Variants in CAST observed in about 807,000 individuals in gnomAD.
CAST encodes the protein MIR583 host.
CAST carries 76 observed loss-of-function variants against 119.6 expected under a neutral mutation model. The observed-to-expected ratio is 0.64, with a 90% CI of 0.53 to 0.77. The LOEUF is 0.77. CAST is among the 30% of genes least tolerant of loss of function. The probability of loss-of-function intolerance (pLI) is 0.00; values close to 1 mark genes in which losing one functional copy is unlikely to be tolerated. For synonymous variants in CAST, 319 were observed against 331.6 expected, an observed-to-expected ratio of 0.96 and a Z score of 0.41; for missense variants, 953 against 946.5, an observed-to-expected ratio of 1.01 and a Z score of -0.09.
At chr5:96,361,650 C>T in the CAST span, among the ~76,000 whole-genome samples, 4 of 152,018 alleles carry the variant, frequency 2.6e-5, no homozygotes, top group South Asian at 2.1e-4. Context: ...GCTCACCTTC[C>T]GTGGGCTGCA....
At chr5:96,108,041 C>T in the CAST span, among the ~76,000 whole-genome samples, 1 of 151,952 alleles carries the variant, frequency 6.6e-6, no homozygotes, top group African/African-American at 2.4e-5. Flanking sequence ...CTGCATTCTT[C>T]ACGTAGTTCT....
At chr5:96,337,849 C>T in the CAST span, among the ~76,000 whole-genome samples, 2 of 152,220 alleles carry the variant, frequency 1.3e-5, no homozygotes, top group Admixed American at 6.5e-5. Flanking sequence ...TCTGTCTTTA[C>T]AAAGTCCTCT....
At chr5:96,524,439 G>A (rs1482032038), upstream of CAST, among the ~76,000 whole-genome samples, 3 of 152,190 alleles carry the variant, frequency 2.0e-5, no homozygotes, top group Non-Finnish European at 1.5e-5. Flanking sequence ...ATACTTCCTG[G>A]AGGCTGAAGG....
intron 2 of CAST, among the ~76,000 whole-genome samples, chr5:96,679,910 A>C (rs1751148635): frequency 6.6e-6 from 1 of 152,140 alleles, no homozygotes; most frequent in Non-Finnish European, 1.5e-5. Context: ...CTACTGCTCT[A>C]AACTTGTGTG....
the CAST span, among the ~76,000 whole-genome samples, chr5:96,103,907 ATGG>A: frequency 1.3e-5 from 2 of 151,780 alleles, no homozygotes; most frequent in Non-Finnish European, 2.9e-5. Flanking sequence ...CTGGTGTGAG[ATGG>A]TATCTCATTG....
chr5:96,654,463 G>A (rs1037677236), intron 1 of CAST, among the ~76,000 whole-genome samples: 13 of 152,254 alleles, frequency 8.5e-5, no homozygotes, highest in South Asian at 4.1e-4. Flanking sequence ...CGTGTAGTGT[G>A]CATAGCTACT....
chr5:96,754,691 G>C lies in CAST; in HGVS notation c.1660G>C (p.Gly554Arg). Residue 554 changes from glycine to arginine, a missense_variant, in exon 22 of 32, where the codon GGT (glycine) becomes CGT (arginine). Physicochemically the swap from Gly to Arg is moderately radical, Grantham distance 125. Coordinates refer to ENST00000675179, the MANE Select transcript of CAST (RefSeq NM_001750.7). The part of the protein sequence containing the change: ...KAKEEDREKL[G>R]EKEETIPPDY... The stretch of plus-strand genomic sequence containing the variant: ...CAAAGAAGAAGACCGTGAAAAGCTT[G>C]GTGAAAAAGAAGAAACAATTCCTCC... The C allele has an allele frequency of 6.2e-7, 1 of 1,609,952 alleles. No individual in the cohort carries two copies. The highest frequency in any genetic ancestry group is 8.5e-7 in the Non-Finnish European group (1 of 1,176,726).
chr5:96,445,379 G>A, the CAST span, among the ~76,000 whole-genome samples: 2 of 152,146 alleles, frequency 1.3e-5, no homozygotes, highest in South Asian at 2.1e-4. Context: ...GCAGTAGTGA[G>A]CTATGAAAGA....
chr5:96,610,159 A>T (rs1056059523), intron 1 of CAST, among the ~76,000 whole-genome samples: 9 of 152,204 alleles, frequency 5.9e-5, no homozygotes, highest in Non-Finnish European at 1.0e-4. Flanking sequence ...TCCCGTGCAC[A>T]TGCTCTTGCC....
the CAST span, among the ~76,000 whole-genome samples, chr5:95,965,788 G>T: frequency 6.6e-6 from 1 of 152,206 alleles, no homozygotes; most frequent in Non-Finnish European, 1.5e-5. Context: ...AAGTACTTCA[G>T]CAGATATTCA....
At chr5:96,763,228 TC>T (rs1470899456) in intron 25 of CAST, 2 of 780,654 alleles carry the variant, frequency 2.6e-6, no homozygotes, top group African/African-American at 3.4e-5. Flanking sequence ...TTCAGGATCA[TC>T]TGAAAATATC....
the CAST span, among the ~76,000 whole-genome samples, chr5:96,320,336 C>T: frequency 2.1e-5 from 3 of 143,770 alleles, no homozygotes; most frequent in South Asian, 2.3e-4. Flanking sequence ...CTCCTGGGTT[C>T]GAGCAATTCT....
chr5:96,520,783 C>A (rs1268033998), upstream of CAST, among the ~76,000 whole-genome samples: 2 of 152,178 alleles, frequency 1.3e-5, no homozygotes, highest in African/African-American at 4.8e-5. Flanking sequence ...ATTGCTATAA[C>A]ATAATCCACC....
At chr5:96,419,109 TATAC>T in the CAST span, among the ~76,000 whole-genome samples, 49 of 152,120 alleles carry the variant, frequency 3.2e-4, no homozygotes, top group African/African-American at 1.2e-3. Flanking sequence ...TATGCACACA[TATAC>T]ATATATGGCT....
intron 1 of CAST, among the ~76,000 whole-genome samples, chr5:96,651,641 T>A (rs1243734522): frequency 1.3e-5 from 2 of 152,216 alleles, no homozygotes; most frequent in Non-Finnish European, 2.9e-5. Flanking sequence ...CTCTCTCTTT[T>A]CAGCCCATGC....
At chr5:96,314,950 A>G in the CAST span, among the ~76,000 whole-genome samples, 1 of 152,236 alleles carries the variant, frequency 6.6e-6, no homozygotes, top group Non-Finnish European at 1.5e-5. Context: ...AGCATTTGCT[A>G]AACAAGAAAG....
chr5:96,539,557 A>G (rs1345631242), intron 1 of CAST, among the ~76,000 whole-genome samples: 2 of 152,102 alleles, frequency 1.3e-5, no homozygotes, highest in African/African-American at 2.4e-5. Context: ...GTAAAGTTCT[A>G]TAGGTTTTGA....
chr5:95,981,642 G>A, the CAST span, among the ~76,000 whole-genome samples: 1 of 152,140 alleles, frequency 6.6e-6, no homozygotes, highest in Admixed American at 6.5e-5. Flanking sequence ...TTGGCAGGCC[G>A]AGGCGGGCGG....
intron 5 of CAST, 68 bp downstream of exon 5, chr5:96,726,927 T>C: frequency 9.4e-7 from 1 of 1,068,774 alleles, no homozygotes; most frequent in Non-Finnish European, 1.4e-6. Flanking sequence ...CAGCATGTGC[T>C]AATAACTGCA....
Sources: allele counts gnomAD v4.1 joint callset (sites outside exome capture counted in the v4.1 genomes callset), GRCh38; gene constraint gnomAD v4.1.1; transcripts MANE v1.5; gene names NCBI Gene and HGNC (gene_info 2026-07-23, HGNC 2026-07-21).